CRIM1: variants seen among roughly 807,000 people sequenced by gnomAD.
The protein encoded by CRIM1 is cysteine rich transmembrane BMP regulator 1.
A neutral mutation model predicts 116.4 loss-of-function variants in CRIM1; 32 were observed. The ratio of observed to expected loss-of-function variants is 0.27; its 90% confidence interval spans 0.21 to 0.37. The LOEUF (loss-of-function observed/expected upper bound fraction) is 0.37, where lower values mean the gene tolerates loss of function less well. CRIM1 is among the 10% of genes least tolerant of loss of function. The pLI is 1.00. For missense variants in CRIM1, 1,331 were observed against 1,354.8 expected, an observed-to-expected ratio of 0.98 and a Z score of 0.28; for synonymous variants, 590 against 509.2, an observed-to-expected ratio of 1.16 and a Z score of -2.13.
chr2:36,524,473 CA>C (rs1264113607), intron 13 of CRIM1, among the ~76,000 whole-genome samples: 1 of 151,888 alleles, frequency 6.6e-6, no homozygotes, highest in African/African-American at 2.4e-5. Flanking sequence ...GGTACAAGTG[CA>C]GTAAAGCTTT....
intron 1 of CRIM1, among the ~76,000 whole-genome samples, chr2:36,363,358 G>C (rs1282755143): frequency 4.6e-5 from 7 of 152,098 alleles, no homozygotes; most frequent in Non-Finnish European, 8.8e-5. Flanking sequence ...ACTGGCACAT[G>C]GAACATGCTT....
intron 14 of CRIM1, among the ~76,000 whole-genome samples, chr2:36,539,089 G>A (rs76167869): frequency 6.6e-6 from 1 of 152,202 alleles, no homozygotes; most frequent in East Asian, 1.9e-4. Flanking sequence ...CAGTAACTAG[G>A]TAGCCACCAA....
rs141956018 is a variant in CRIM1 at position 36,550,353 on chromosome 2, A to C, written c.*1652A>C. ...TAACTGACTGTATACTATAGTGGTAACTTTTCAAACAGCCCTTAGCACTTT... is the reference window on the plus strand; with the variant it reads ...TAACTGACTGTATACTATAGTGGTACCTTTTCAAACAGCCCTTAGCACTTT... On this transcript the variant is annotated 3_prime_UTR_variant, in exon 17 of 17. Coordinates refer to ENST00000280527, the MANE Select transcript of CRIM1 (RefSeq NM_016441.3). 6.6e-6 allele frequency: 1 copy of C among 152,478 alleles called. No individual in the cohort carries two copies. Among genetic ancestry groups the C allele is most frequent in the African/African-American group, 2.4e-5 (1 of 41,480 alleles). The allele number at this position is 152,478 out of a possible 1,614,324, so 9.4% of individuals were successfully genotyped here.
At chr2:36,467,426 A>G (rs75919302) in intron 5 of CRIM1, among the ~76,000 whole-genome samples, 3,022 of 152,310 alleles carry the variant, frequency 0.02, 108 homozygotes, top group African/African-American at 0.069. Flanking sequence ...CTGTGTATGT[A>G]TATATAAATA....
At position 36,531,717 on chromosome 2, in the gene CRIM1, C is replaced by T. The variant is rs180940779; in HGVS notation, c.2429-5635C>T. ...AGGAATTAACATTTCAAGGCCTTGC[C>T]GCTTCTTCCTCCTCTTGTGATATGA... On this transcript the variant is annotated intron_variant, in intron 13 of 16. Coordinates refer to ENST00000280527, the MANE Select transcript of CRIM1 (RefSeq NM_016441.3). The T allele has an allele frequency of 5.3e-5, 17 of 321,860 alleles. 1 individual carries two copies. The East Asian group carries it at 6.3e-4, about 12-fold the overall frequency. 19.9% of individuals were successfully genotyped at this position (321,860 alleles called of 1,614,324 possible).
chr2:36,487,141 A>G (rs1179228613), intron 7 of CRIM1, among the ~76,000 whole-genome samples: 3 of 152,204 alleles, frequency 2.0e-5, no homozygotes, highest in Non-Finnish European at 2.9e-5. Flanking sequence ...TAACATGGCT[A>G]TATGAGACCA....
At chr2:36,419,636 G>A (rs1484440426) in intron 2 of CRIM1, among the ~76,000 whole-genome samples, 1 of 152,158 alleles carries the variant, frequency 6.6e-6, no homozygotes, top group African/African-American at 2.4e-5. Flanking sequence ...CTCCTAGGGG[G>A]ACTAGCTCTT....
chr2:36,516,544 A>G (rs1266667798), intron 11 of CRIM1, among the ~76,000 whole-genome samples: 3 of 152,184 alleles, frequency 2.0e-5, no homozygotes, highest in Non-Finnish European at 4.4e-5. Flanking sequence ...GGGGAAAGAA[A>G]TGATAGTTTT....
At chr2:36,448,194 T>C (rs745842967) in intron 4 of CRIM1, among the ~76,000 whole-genome samples, 5 of 152,356 alleles carry the variant, frequency 3.3e-5, no homozygotes, top group Middle Eastern at 3.4e-3. Context: ...GGTCCATTTT[T>C]AAAACAAAAC....
At chr2:36,500,572 A>G (rs1485688411) in intron 8 of CRIM1, among the ~76,000 whole-genome samples, 2 of 152,186 alleles carry the variant, frequency 1.3e-5, no homozygotes, top group Non-Finnish European at 2.9e-5. Flanking sequence ...AATTATCCGA[A>G]TCATTTTAAA....
intron 1 of CRIM1, among the ~76,000 whole-genome samples, chr2:36,381,456 A>T (rs1295576491): frequency 6.6e-6 from 1 of 152,156 alleles, no homozygotes; most frequent in African/African-American, 2.4e-5. Flanking sequence ...AGTTGGGGTG[A>T]GGAGGAAAGG....
intron 7 of CRIM1, among the ~76,000 whole-genome samples, chr2:36,481,541 AT>A (rs1679418457): frequency 6.6e-6 from 1 of 152,210 alleles, no homozygotes; most frequent in African/African-American, 2.4e-5. Context: ...TGAAGAGCCT[AT>A]TTAGGCTGAG....
At chr2:36,521,916 A>G (rs144832460) in intron 12 of CRIM1, among the ~76,000 whole-genome samples, 176 bp from the exon 13 acceptor site, 2 of 152,314 alleles carry the variant, frequency 1.3e-5, no homozygotes, top group East Asian at 3.9e-4. Context: ...GATCTTTGTT[A>G]TTTTGTTTAA....
In CRIM1 at chr2:36,548,769, G is replaced by A; in HGVS notation, c.*68G>A. 3 of 1,345,162 alleles carry A rather than the reference G, an allele frequency of 2.2e-6. No individual in the cohort carries two copies. The highest frequency in any genetic ancestry group is 1.5e-5 in the African/African-American group (1 of 67,770). The allele number at this position is 1,345,162 out of a possible 1,614,324, so 83.3% of individuals were successfully genotyped here. A position where few individuals can be genotyped will look rare whatever the true frequency, so the allele number is the denominator to read the frequency against. On this transcript the variant is annotated 3_prime_UTR_variant, in exon 17 of 17. Transcript: ENST00000280527. ...TAAATCTGCTCTAAAAAGTAAACTAGAATTTGTGCACTTGCTTAGTGGATT... is the reference window on the plus strand; with the variant it reads ...TAAATCTGCTCTAAAAAGTAAACTAAAATTTGTGCACTTGCTTAGTGGATT...
chr2:36,428,780 T>A (rs1674649582), intron 2 of CRIM1, among the ~76,000 whole-genome samples: 1 of 152,336 alleles, frequency 6.6e-6, no homozygotes, highest in East Asian at 1.9e-4. Flanking sequence ...GGCAAAATAC[T>A]TCCATTATTC....
chr2:36,485,355 C>T (rs1374073910), intron 7 of CRIM1, among the ~76,000 whole-genome samples: 1 of 152,226 alleles, frequency 6.6e-6, no homozygotes, highest in African/African-American at 2.4e-5. Flanking sequence ...CCACTTCAGT[C>T]TCAGCTCACC....
chr2:36,516,476 A>G (rs981175312), intron 11 of CRIM1, among the ~76,000 whole-genome samples: 1 of 152,218 alleles, frequency 6.6e-6, no homozygotes, highest in Non-Finnish European at 1.5e-5. Context: ...CATTTTCAAC[A>G]TTAAATTCCC....
chr2:36,429,374 T>C (rs932794398), intron 2 of CRIM1, among the ~76,000 whole-genome samples: 2 of 152,222 alleles, frequency 1.3e-5, no homozygotes, highest in Admixed American at 1.3e-4. Context: ...CTCTTCTTGC[T>C]GTGGAAGCCT....
chr2:36,398,564 G>C (rs1045010766), intron 2 of CRIM1, among the ~76,000 whole-genome samples: 1 of 152,172 alleles, frequency 6.6e-6, no homozygotes, highest in Non-Finnish European at 1.5e-5. Context: ...TTCCAATTTT[G>C]AGATCATTCC....
Sources: gnomAD v4.1 joint callset for allele counts (sites outside exome capture counted in the v4.1 genomes callset) on GRCh38, gnomAD v4.1.1 for gene constraint, MANE v1.5 for transcripts, NCBI Gene and HGNC (gene_info 2026-07-23, HGNC 2026-07-21) for gene names.